The following SLC35F3 variants were observed in gnomAD, a reference collection of about 807,000 sequenced individuals.
SLC35F3 encodes solute carrier family 35 member F3, also known as putative thiamine transporter SLC35F3.
A neutral mutation model predicts 49.9 loss-of-function variants in SLC35F3; 25 were observed. That is an observed-to-expected ratio of 0.50 (90% CI 0.37 to 0.70). SLC35F3 has a LOEUF of 0.70. Among genes scored for constraint, SLC35F3 ranks in the 30% least tolerant of loss-of-function variants. The probability of loss-of-function intolerance (pLI) is 0.00; values close to 1 mark genes in which losing one functional copy is unlikely to be tolerated. For synonymous variants in SLC35F3, 275 were observed against 265.4 expected (o/e 1.04, Z -0.35); for missense variants, 525 against 639.8 (o/e 0.82, Z 1.94).
intron 3 of SLC35F3, among the ~76,000 whole-genome samples, chr1:234,282,492 G>A (rs74988676): frequency 0.022 from 3,416 of 152,294 alleles, 102 homozygotes; most frequent in African/African-American, 0.067. Context: ...GCCTATCCTG[G>A]AACCCAGCTG....
intron 4 of SLC35F3, among the ~76,000 whole-genome samples, chr1:234,311,686 G>C (rs516710): frequency 0.37 from 56,209 of 152,088 alleles, 11,159 homozygotes; most frequent in East Asian, 0.53. Context: ...GAGAGGGTGA[G>C]AAGCCATTGG....
chr1:234,248,982 T>C (rs1296056623), intron 3 of SLC35F3, among the ~76,000 whole-genome samples: 1 of 152,182 alleles, frequency 6.6e-6, no homozygotes, highest in African/African-American at 2.4e-5. Flanking sequence ...GTACAGCAAA[T>C]CCAGAGGGAG....
chr1:234,082,215 G>A (rs964050940), intron 2 of SLC35F3, among the ~76,000 whole-genome samples: 8 of 151,850 alleles, frequency 5.3e-5, no homozygotes, highest in East Asian at 1.9e-4. Flanking sequence ...AGTTTTCTGC[G>A]GTTCATGTTA....
At chr1:234,188,997 A>T (rs540840657) in intron 2 of SLC35F3, among the ~76,000 whole-genome samples, 3 of 152,116 alleles carry the variant, frequency 2.0e-5, no homozygotes, top group Non-Finnish European at 4.4e-5. Context: ...CCCTAGGAAA[A>T]GGGGGAGAGG....
At chr1:234,062,364 A>G (rs1664554276) in intron 2 of SLC35F3, among the ~76,000 whole-genome samples, 1 of 152,192 alleles carries the variant, frequency 6.6e-6, no homozygotes, top group Non-Finnish European at 1.5e-5. Flanking sequence ...AAACTCCACT[A>G]CGCACAAACT....
intron 2 of SLC35F3, among the ~76,000 whole-genome samples, chr1:234,194,065 A>G (rs1195579014): frequency 1.3e-5 from 2 of 152,382 alleles, no homozygotes; most frequent in South Asian, 2.1e-4. Flanking sequence ...TTAAAGAAAT[A>G]AAAGTAGAAC....
intron 4 of SLC35F3, among the ~76,000 whole-genome samples, chr1:234,315,253 G>A (rs764828884): frequency 1.9e-4 from 29 of 152,166 alleles, no homozygotes; most frequent in Admixed American, 5.2e-4. Context: ...GAAACATAGC[G>A]TATAAGGTAT....
rs10910416 is a variant in SLC35F3 at position 234,323,607 on chromosome 1, C to A, written c.*364C>A. On this transcript the variant is annotated 3_prime_UTR_variant, in exon 8 of 8. Transcript: ENST00000366618. The surrounding 1 kb of genome is among the most constrained non-coding windows in gnomAD (Gnocchi z 4.5). ...ATCTTAGCAACTGAACATGACATTGCACACTGTGATTATTTTTCAGCTATG... is the reference window on the plus strand; with the variant it reads ...ATCTTAGCAACTGAACATGACATTGAACACTGTGATTATTTTTCAGCTATG... The A allele has an allele frequency of 1.6e-5, 4 of 244,302 alleles. No homozygotes were observed. The highest frequency in any genetic ancestry group is 5.0e-5 in the Admixed American group (1 of 19,882). 15.1% of individuals were successfully genotyped at this position (244,302 alleles called of 1,614,324 possible). A position where few individuals can be genotyped will look rare whatever the true frequency, so the allele number is the denominator to read the frequency against.
intron 2 of SLC35F3, among the ~76,000 whole-genome samples, chr1:234,115,962 G>T (rs1335992666): frequency 6.6e-6 from 1 of 152,130 alleles, no homozygotes; most frequent in Non-Finnish European, 1.5e-5. Flanking sequence ...AAGGGGAAAG[G>T]GTGAGCAGTA....
In SLC35F3 at chr1:234,174,507, T is replaced by G. The variant is rs116547750; in HGVS notation, c.284-56910T>G. On this transcript the variant is annotated intron_variant, in intron 2 of 7. Transcript: ENST00000366618. The stretch of plus-strand genomic sequence containing the variant: ...CTGTCTTACTTAATCCCGCCCTGTC[T>G]CTGAGAGAGCTGGTTATCATCCCCA... Among the ~76,000 whole-genome samples the G allele has an allele frequency of 4.2e-3, 646 of 152,322 alleles. 5 individuals carry two copies. The highest frequency in any genetic ancestry group is 0.015 in the African/African-American group (609 of 41,586).
rs1211822989 is a variant in SLC35F3, at chr1:234,320,906, T to C, written c.1237+719T>C. Among the ~76,000 whole-genome samples the C allele has an allele frequency of 6.6e-6, 1 of 152,094 alleles. No homozygotes were observed. Among genetic ancestry groups the C allele is most frequent in the Non-Finnish European group, 1.5e-5 (1 of 67,996 alleles). On this transcript the variant is annotated intron_variant, in intron 7 of 7. Transcript: ENST00000366618. This position sits in a 1 kb window ranked among gnomAD's most constrained non-coding sequence, Gnocchi z 4.8. Reference sequence around the variant, plus strand: ...CTCCTGGCCTCATACCTGACCTCCCTAGGCATCCTTCTCTCAGCCAGAAAA... The same window carrying C: ...CTCCTGGCCTCATACCTGACCTCCCCAGGCATCCTTCTCTCAGCCAGAAAA...
At chr1:233,959,291 C>G (rs1353223127) in intron 2 of SLC35F3, among the ~76,000 whole-genome samples, 1 of 151,904 alleles carries the variant, frequency 6.6e-6, no homozygotes. Context: ...GCAGTTCCAG[C>G]AATGAATAAT....
chr1:234,302,256 A>T (rs1668704781), intron 3 of SLC35F3, among the ~76,000 whole-genome samples: 1 of 152,168 alleles, frequency 6.6e-6, no homozygotes, highest in African/African-American at 2.4e-5. Flanking sequence ...AGGTCAAAGG[A>T]AACTTTGGGG....
intron 2 of SLC35F3, among the ~76,000 whole-genome samples, chr1:234,131,668 C>T (rs974951934): frequency 3.9e-5 from 6 of 152,120 alleles, no homozygotes; most frequent in Admixed American, 2.6e-4. Flanking sequence ...TTAGGGAGCA[C>T]GTCGTAAACA....
chr1:234,238,821 T>A (rs1667513381), intron 3 of SLC35F3, among the ~76,000 whole-genome samples: 1 of 152,214 alleles, frequency 6.6e-6, no homozygotes, highest in South Asian at 2.1e-4. Context: ...CCCAATTATC[T>A]GAGATTGCTA....
At chr1:234,233,200 C>G (rs897979971) in intron 3 of SLC35F3, among the ~76,000 whole-genome samples, 2 of 152,136 alleles carry the variant, frequency 1.3e-5, no homozygotes, top group Non-Finnish European at 2.9e-5. Context: ...GTAAAATAGT[C>G]CCAGAGAAAA....
Position 234,066,846 on chromosome 1 carries a change from A to T in SLC35F3, c.283+161088A>T, listed in dbSNP as rs1454071340. 6.1e-5 allele frequency among the ~76,000 whole-genome samples: 9 copies of T among 148,474 alleles called. No homozygotes were observed. The South Asian group carries it at 6.5e-4, about 11-fold the overall frequency. Reference sequence around the variant, plus strand: ...CTCTCTCTCCCACACACACACACACACACACACACACACACACACACACAC... The same window carrying T: ...CTCTCTCTCCCACACACACACACACTCACACACACACACACACACACACAC... On this transcript the variant is annotated intron_variant, in intron 2 of 7. Transcript: ENST00000366618.
Position 234,088,460 on chromosome 1 carries a change from G to A in SLC35F3, c.284-142957G>A, listed in dbSNP as rs895697926. On this transcript the variant is annotated intron_variant, in intron 2 of 7. Transcript: ENST00000366618. ...TGACCTCAGGTGATCCACCCACCTC[G>A]GCCTCCCAAAGTGCTGGGATTACAG... Among the ~76,000 whole-genome samples the A allele has an allele frequency of 7.2e-5, 11 of 152,188 alleles. No individual in the cohort carries two copies. The East Asian group carries it at 2.1e-3, about 29-fold the overall frequency.
chr1:234,253,120 G>A (rs1487947909), intron 3 of SLC35F3, among the ~76,000 whole-genome samples: 2 of 152,172 alleles, frequency 1.3e-5, no homozygotes, highest in Non-Finnish European at 2.9e-5. Context: ...GAGGTCAGGA[G>A]TTCGAGACCA....
Sources: gnomAD v4.1 joint callset for allele counts (sites outside exome capture counted in the v4.1 genomes callset) on GRCh38, gnomAD v4.1.1 for gene constraint, Gnocchi (gnomAD v3.1) non-coding constraint, MANE v1.5 for transcripts, NCBI Gene and HGNC (gene_info 2026-07-23, HGNC 2026-07-21) for gene names.